HDAC1: variants seen among roughly 807,000 people sequenced by gnomAD.
The protein encoded by HDAC1 is protein deacetylase HDAC1.
In HDAC1, 18 loss-of-function variants were observed where a neutral mutation model predicts 65.5. The observed-to-expected ratio is 0.27, with a 90% CI of 0.19 to 0.41. The LOEUF (loss-of-function observed/expected upper bound fraction) is 0.41. HDAC1 is among the 10% of genes least tolerant of loss of function. The probability of loss-of-function intolerance (pLI) is 1.00; values close to 1 mark genes in which losing one functional copy is unlikely to be tolerated. For synonymous variants in HDAC1, 211 were observed against 227.9 expected (o/e 0.93, Z 0.67); for missense variants, 373 against 625.2 (o/e 0.60, Z 4.30).
In HDAC1 at chr1:32,331,852, C is replaced by A; in HGVS notation, c.1219+46C>A. On this transcript the variant is annotated intron_variant, in intron 11 of 13. Coordinates refer to ENST00000373548, the MANE Select transcript of HDAC1 (RefSeq NM_004964.3). The surrounding 1 kb of genome is among the most constrained non-coding windows in gnomAD (Gnocchi z 4.2). ...CCTATGCCTTCCATTCAATAGGCAG[C>A]TCACACTTCCACCACCATTCCTGGC... The A allele has an allele frequency of 6.4e-7, 1 of 1,554,848 alleles. No homozygotes were observed. The highest frequency in any genetic ancestry group is 1.9e-5 in the Admixed American group (1 of 51,606).
In HDAC1 at chr1:32,333,128, G is replaced by A. The variant is rs1333594133; in HGVS notation, c.*84G>A. The A allele has an allele frequency of 3.7e-6, 4 of 1,071,014 alleles. No individual in the cohort carries two copies. In the African/African-American group the frequency reaches 6.5e-5, roughly 17 times the overall value. The allele number at this position is 1,071,014 out of a possible 1,614,324, so 66.3% of individuals were successfully genotyped here. On this transcript the variant is annotated 3_prime_UTR_variant, in exon 14 of 14. Transcript: ENST00000373548. ...CAGATTTTATATTTTCTATTTCTCT[G>A]TGTATTTATATAAAAATTTATTAAA...
chr1:32,315,689 G>A (rs1394704258), intron 2 of HDAC1, among the ~76,000 whole-genome samples: 1 of 151,048 alleles, frequency 6.6e-6, no homozygotes, highest in African/African-American at 2.4e-5. Context: ...TTTGTAGGCC[G>A]GGCGCAGTGG....
chr1:32,310,874 CAGAA>C (rs1320523254), intron 2 of HDAC1, among the ~76,000 whole-genome samples: 5 of 134,540 alleles, frequency 3.7e-5, no homozygotes, highest in East Asian at 2.1e-4. Context: ...AATAGAGAGA[CAGAA>C]AGAAACAGGG....
At position 32,331,607 on chromosome 1, in the gene HDAC1, T is replaced by C. The variant is rs771494477; in HGVS notation, c.1088+25T>C. The C allele has an allele frequency of 7.4e-6, 12 of 1,612,034 alleles. No individual in the cohort carries two copies. Among genetic ancestry groups the C allele is most frequent in the African/African-American group, 2.7e-5 (2 of 74,884 alleles). On this transcript the variant is annotated intron_variant, in intron 10 of 13. Transcript: ENST00000373548. This position sits in a 1 kb window ranked among gnomAD's most constrained non-coding sequence, Gnocchi z 4.2. The stretch of plus-strand genomic sequence containing the variant: ...AGTGAGTATATCCTCCAGCCACCCC[T>C]TGGTTGAACATTCCTGACTTTGGTT...
At chr1:32,314,783 G>A (rs1013411192) in intron 2 of HDAC1, among the ~76,000 whole-genome samples, 2 of 143,830 alleles carry the variant, frequency 1.4e-5, no homozygotes, top group Non-Finnish European at 3.0e-5. Flanking sequence ...CCGAGATCGC[G>A]CCACTGCACT....
At position 32,331,959 on chromosome 1, in the gene HDAC1, G is replaced by A. The variant is rs866639688; in HGVS notation, c.1220-131G>A. 2.5e-5 allele frequency: 34 copies of A among 1,382,152 alleles called. No homozygotes were observed. In the Middle Eastern group the frequency reaches 2.4e-3, roughly 99 times the overall value. 85.6% of individuals were successfully genotyped at this position (1,382,152 alleles called of 1,614,324 possible). Reference sequence around the variant, plus strand: ...CCTGTAGGAACAGGTTAGGGAGCCCGAGTTCCTCCCTCTTCTGGTTCCCTT... The same window carrying A: ...CCTGTAGGAACAGGTTAGGGAGCCCAAGTTCCTCCCTCTTCTGGTTCCCTT... On this transcript the variant is annotated intron_variant, in intron 11 of 13. Transcript: ENST00000373548. This position sits in a 1 kb window ranked among gnomAD's most constrained non-coding sequence, Gnocchi z 4.2.
At chr1:32,297,325 T>C (rs1420040008) in intron 1 of HDAC1, among the ~76,000 whole-genome samples, 1 of 152,130 alleles carries the variant, frequency 6.6e-6, no homozygotes, top group African/African-American at 2.4e-5. Flanking sequence ...AAGGATCACT[T>C]GAGACCAGGC....
At chr1:32,297,303 A>G (rs1640780026) in intron 1 of HDAC1, among the ~76,000 whole-genome samples, 1 of 152,186 alleles carries the variant, frequency 6.6e-6, no homozygotes, top group Admixed American at 6.6e-5. Context: ...GTAGTTTGGG[A>G]GGCCAAGGCG....
At chr1:32,305,506 A>AC (rs1640898903) in intron 2 of HDAC1, among the ~76,000 whole-genome samples, 1 of 152,078 alleles carries the variant, frequency 6.6e-6, no homozygotes, top group Non-Finnish European at 1.5e-5. Context: ...TTTTGTTGCT[A>AC]ATTTAGGTAG....
chr1:32,316,504 T>A lies in HDAC1; in HGVS notation c.163-161T>A, dbSNP rs535207587. ...CCTTTGATAATCTTGTTTGCCTAGT[T>A]AGATTGTAAATTTCTTGAAGCCTGA... On this transcript the variant is annotated intron_variant, in intron 2 of 13. Transcript: ENST00000373548. Among the ~76,000 whole-genome samples, 24 of 152,304 alleles carry A rather than the reference T, an allele frequency of 1.6e-4. 1 individual carries two copies. The South Asian group carries it at 5.0e-3, about 32-fold the overall frequency.
chr1:32,316,283 C>CAAAAAAAAAAAAAAAAAAAAAAA (rs879826419), intron 2 of HDAC1, among the ~76,000 whole-genome samples: 2 of 139,404 alleles, frequency 1.4e-5, no homozygotes, highest in African/African-American at 5.7e-5. Context: ...GACTCCGTCT[C>CAAAAAAAAAAAAAAAAAAAAAAA]AAAAAAAAAA....
At chr1:32,322,055 T>G (rs1317885940) in intron 3 of HDAC1, among the ~76,000 whole-genome samples, 1 of 152,310 alleles carries the variant, frequency 6.6e-6, no homozygotes, top group Non-Finnish European at 1.5e-5. Context: ...CTGGTAACTC[T>G]TGTGGTTATT....
chr1:32,330,254 C>A lies in HDAC1; in HGVS notation c.730-324C>A. 1 of 324,694 alleles carries A rather than the reference C, an allele frequency of 3.1e-6. No individual in the cohort carries two copies. The highest frequency in any genetic ancestry group is 5.9e-6 in the Non-Finnish European group (1 of 170,810). 20.1% of individuals were successfully genotyped at this position (324,694 alleles called of 1,614,324 possible). On this transcript the variant is annotated intron_variant, in intron 7 of 13. Coordinates refer to ENST00000373548, the MANE Select transcript of HDAC1 (RefSeq NM_004964.3). The surrounding 1 kb of genome is among the most constrained non-coding windows in gnomAD (Gnocchi z 4.2). ...TAAGACCGAATGAGTAGAGTAGATG[C>A]AGCTAAAGGTCAGGAAGGCTTCCTG...
At chr1:32,313,933 G>T (rs999530071) in intron 2 of HDAC1, among the ~76,000 whole-genome samples, 1 of 152,092 alleles carries the variant, frequency 6.6e-6, no homozygotes, top group East Asian at 1.9e-4. Context: ...GGCCACCCTT[G>T]GAAATGAATG....
At chr1:32,300,444 A>G (rs1226698645) in intron 1 of HDAC1, among the ~76,000 whole-genome samples, 1 of 151,898 alleles carries the variant, frequency 6.6e-6, no homozygotes, top group African/African-American at 2.4e-5. Flanking sequence ...AATCCCAGCA[A>G]TTTAGGAGGC....
intron 2 of HDAC1, among the ~76,000 whole-genome samples, chr1:32,303,406 C>T (rs1443430077): frequency 6.6e-6 from 1 of 151,958 alleles, no homozygotes; most frequent in Non-Finnish European, 1.5e-5. Flanking sequence ...TACAGTGAGC[C>T]GTGATTGCAC....
chr1:32,332,312 G>A (rs1311890057), intron 12 of HDAC1, 70 bp downstream of exon 12: 17 of 1,447,122 alleles, frequency 1.2e-5, no homozygotes, highest in Non-Finnish European at 1.6e-5. Context: ...GCAGTGGGAG[G>A]AGGGAGTGAC....
At chr1:32,308,686 T>G (rs1640945676) in intron 2 of HDAC1, among the ~76,000 whole-genome samples, 1 of 151,608 alleles carries the variant, frequency 6.6e-6, no homozygotes, top group Admixed American at 6.6e-5. Flanking sequence ...GCCTGGCTAA[T>G]TTTTTGTATT....
chr1:32,309,643 T>C (rs1385299721), intron 2 of HDAC1, among the ~76,000 whole-genome samples: 10 of 139,214 alleles, frequency 7.2e-5, no homozygotes, highest in African/African-American at 2.8e-4. Context: ...GCTGAGGTCG[T>C]GCCACTGTAC....
Sources: gnomAD v4.1 joint callset for allele counts (sites outside exome capture counted in the v4.1 genomes callset) on GRCh38, gnomAD v4.1.1 for gene constraint, Gnocchi (gnomAD v3.1) non-coding constraint, MANE v1.5 for transcripts, NCBI Gene and HGNC (gene_info 2026-07-23, HGNC 2026-07-21) for gene names.